GPC6: variants seen among roughly 807,000 people sequenced by gnomAD.
GPC6 encodes the protein glypican-6.
Under a neutral mutation model 55.2 loss-of-function variants are expected in GPC6, and 14 were observed. The ratio of observed to expected loss-of-function variants is 0.25; its 90% confidence interval spans 0.17 to 0.40. The LOEUF is 0.40. Ranked by LOEUF, GPC6 falls within the 10% of genes least tolerant of loss-of-function variation. The pLI, the probability that GPC6 is intolerant of heterozygous loss-of-function variation, is 1.00. For synonymous variants in GPC6, 278 were observed against 259.6 expected (o/e 1.07, Z -0.68); for missense variants, 641 against 708.5 (o/e 0.90, Z 1.08).
At chr13:93,891,814 TC>T (rs1875699721) in intron 3 of GPC6, among the ~76,000 whole-genome samples, 1 of 152,006 alleles carries the variant, frequency 6.6e-6, no homozygotes, top group South Asian at 2.1e-4. Context: ...GCTTAGTATA[TC>T]TGTCATACAC....
intron 2 of GPC6, among the ~76,000 whole-genome samples, chr13:93,685,131 T>A (rs1882001207): frequency 6.6e-6 from 1 of 152,168 alleles, no homozygotes; most frequent in Non-Finnish European, 1.5e-5. Flanking sequence ...ATTGCAAAAG[T>A]CTATTTTCTC....
chr13:93,729,656 G>A (rs1174867643), intron 2 of GPC6, among the ~76,000 whole-genome samples: 1 of 152,074 alleles, frequency 6.6e-6, no homozygotes, highest in African/African-American at 2.4e-5. Flanking sequence ...GGAAACTATT[G>A]GACAGGATCT....
In GPC6 at chr13:93,655,003, AT is replaced by A. The variant is rs3884231; in HGVS notation, c.319+109602del. On this transcript the variant is annotated intron_variant, in intron 2 of 8. Coordinates refer to ENST00000377047, the MANE Select transcript of GPC6 (RefSeq NM_005708.5). ...AGGCGCCCACTACCATGCCCGGCTA[AT>A]TTTTTTTTTTTTTTTTTTTGTATTT... Among the ~76,000 whole-genome samples, 262 of 104,730 alleles carry A rather than the reference AT, an allele frequency of 2.5e-3. 2 individuals are homozygous for A. In the South Asian group the frequency reaches 0.037, roughly 15 times the overall value. 68.7% of individuals were successfully genotyped at this position (104,730 alleles called of 152,430 possible). A position where few individuals can be genotyped will look rare whatever the true frequency, so the allele number is the denominator to read the frequency against.
At chr13:93,664,321 T>G (rs577154275) in intron 2 of GPC6, among the ~76,000 whole-genome samples, 1 of 152,124 alleles carries the variant, frequency 6.6e-6, no homozygotes, top group African/African-American at 2.4e-5. Context: ...TAGCTGCAGA[T>G]AAACAAAAAA....
At chr13:93,749,708 A>T (rs972090797) in intron 2 of GPC6, among the ~76,000 whole-genome samples, 1 of 152,126 alleles carries the variant, frequency 6.6e-6, no homozygotes, top group Non-Finnish European at 1.5e-5. Context: ...GAACAACCCC[A>T]GGGAAAAAAG....
intron 3 of GPC6, among the ~76,000 whole-genome samples, chr13:93,875,420 T>C (rs904362947): frequency 1.3e-5 from 2 of 152,074 alleles, no homozygotes; most frequent in South Asian, 4.1e-4. Context: ...GAAACTTATC[T>C]TGTCTCAGTT....
chr13:93,356,841 T>G (rs1322723296), intron 1 of GPC6, among the ~76,000 whole-genome samples: 1 of 152,140 alleles, frequency 6.6e-6, no homozygotes, highest in Non-Finnish European at 1.5e-5. Flanking sequence ...TACATGGAAT[T>G]GACTTGTTGG....
Position 93,426,223 on chromosome 13 carries a change from T to TTTTATTTTTA in GPC6, c.161-119037_161-119036insATTTTTATTT, listed in dbSNP as rs1252502592. Among the ~76,000 whole-genome samples the TTTTATTTTTA allele has an allele frequency of 8.0e-5, 7 of 87,496 alleles. No homozygotes were observed. In the East Asian group the frequency reaches 1.9e-3, roughly 24 times the overall value. 57.4% of individuals were successfully genotyped at this position (87,496 alleles called of 152,430 possible). A position where few individuals can be genotyped will look rare whatever the true frequency, so the allele number is the denominator to read the frequency against. ...TATAGTCTAGGCAATGGTAAAAGTGTTTTTATTTTATTTTATTTTATTATT... is the reference window on the plus strand; with the variant it reads ...TATAGTCTAGGCAATGGTAAAAGTGTTTTATTTTTATTTTATTTTATTTTATTTTATTATT... On this transcript the variant is annotated intron_variant, in intron 1 of 8. Transcript: ENST00000377047.
chr13:94,231,397 C>G (rs998927812), intron 4 of GPC6, among the ~76,000 whole-genome samples: 1 of 152,160 alleles, frequency 6.6e-6, no homozygotes, highest in Non-Finnish European at 1.5e-5. Context: ...GAAGCAAGTT[C>G]AGAAACATTT....
chr13:93,284,019 C>T (rs1038933296), intron 1 of GPC6, among the ~76,000 whole-genome samples: 1 of 152,224 alleles, frequency 6.6e-6, no homozygotes, highest in African/African-American at 2.4e-5. Context: ...GGCTCACATT[C>T]TCTCAGGGCA....
At position 94,162,578 on chromosome 13, in the gene GPC6, C is replaced by T. The variant is rs149217500; in HGVS notation, c.878-123771C>T. On this transcript the variant is annotated intron_variant, in intron 4 of 8. Coordinates refer to ENST00000377047, the MANE Select transcript of GPC6 (RefSeq NM_005708.5). ...AATCAGTGTCACCCAAGCTGCTCTG[C>T]CTGGAAATCCAGGGTTCTGTTAGTA... is the stretch of plus-strand genomic sequence containing the variant. 3.9e-5 allele frequency among the ~76,000 whole-genome samples: 6 copies of T among 152,242 alleles called. No individual in the cohort carries two copies. The East Asian group carries it at 9.7e-4, about 25-fold the overall frequency.
intron 4 of GPC6, among the ~76,000 whole-genome samples, chr13:94,087,529 T>C (rs1885330956): frequency 6.6e-6 from 1 of 152,338 alleles, no homozygotes; most frequent in Non-Finnish European, 1.5e-5. Flanking sequence ...GATCCCAATA[T>C]GTTTCAGGCA....
At chr13:93,316,120 T>A (rs1320135659) in intron 1 of GPC6, among the ~76,000 whole-genome samples, 1 of 152,082 alleles carries the variant, frequency 6.6e-6, no homozygotes, top group Non-Finnish European at 1.5e-5. Flanking sequence ...CATGGTATAT[T>A]GCCTTCTAAA....
rs186388725 is a variant in GPC6, at chr13:94,083,953, G to A, written c.877+56059G>A. Among the ~76,000 whole-genome samples, 9 of 152,258 alleles carry A rather than the reference G, an allele frequency of 5.9e-5. No homozygotes were observed. The East Asian group carries it at 7.7e-4, about 13-fold the overall frequency. On this transcript the variant is annotated intron_variant, in intron 4 of 8. Coordinates refer to ENST00000377047, the MANE Select transcript of GPC6 (RefSeq NM_005708.5). ...CAGTTACCTAAAACAAGAATGTAACGAGAGAAAGTGGAATAAGGAATAACT... is the reference window on the plus strand; with the variant it reads ...CAGTTACCTAAAACAAGAATGTAACAAGAGAAAGTGGAATAAGGAATAACT...
intron 4 of GPC6, among the ~76,000 whole-genome samples, chr13:94,044,547 T>C (rs1883656683): frequency 6.6e-6 from 1 of 151,936 alleles, no homozygotes; most frequent in African/African-American, 2.4e-5. Flanking sequence ...TTAGTATTGT[T>C]TCCAATATTT....
chr13:93,829,346 AT>A (rs1887395279), intron 2 of GPC6, among the ~76,000 whole-genome samples: 1 of 152,134 alleles, frequency 6.6e-6, no homozygotes, highest in African/African-American at 2.4e-5. Context: ...AATGGCTTTA[AT>A]TTTTGTCTTA....
intron 4 of GPC6, among the ~76,000 whole-genome samples, chr13:94,233,868 A>G (rs767110920): frequency 2.5e-4 from 38 of 152,296 alleles, no homozygotes; most frequent in Admixed American, 3.3e-4. Context: ...AAAAAAACAT[A>G]GCATATATAG....
intron 1 of GPC6, among the ~76,000 whole-genome samples, chr13:93,359,500 A>G (rs1458138613): frequency 1.3e-5 from 2 of 152,164 alleles, no homozygotes; most frequent in African/African-American, 4.8e-5. Context: ...AAAATTATAT[A>G]TGTATATGTG....
chr13:94,202,621 A>T (rs1482839632), intron 4 of GPC6, among the ~76,000 whole-genome samples: 1 of 152,154 alleles, frequency 6.6e-6, no homozygotes, highest in African/African-American at 2.4e-5. Context: ...ACAATTCAAG[A>T]TGAGATTGGG....
Sources: gnomAD v4.1 joint callset for allele counts (sites outside exome capture counted in the v4.1 genomes callset) on GRCh38, gnomAD v4.1.1 for gene constraint, MANE v1.5 for transcripts, NCBI Gene and HGNC (gene_info 2026-07-23, HGNC 2026-07-21) for gene names.